Variants in USP30 observed in about 807,000 individuals in gnomAD.
The protein encoded by USP30 is ubiquitin carboxyl-terminal hydrolase 30.
USP30 carries 41 observed loss-of-function variants against 68.2 expected under a neutral mutation model. That is an observed-to-expected ratio of 0.60 (90% CI 0.47 to 0.78). USP30 has a LOEUF of 0.78. Ranked by LOEUF, USP30 falls within the 30% of genes least tolerant of loss-of-function variation. The probability of loss-of-function intolerance (pLI) is 0.00; values close to 1 mark genes in which losing one functional copy is unlikely to be tolerated. For missense variants in USP30, 522 were observed against 649.4 expected (o/e 0.80, Z 2.13); for synonymous variants, 229 against 253.7 (o/e 0.90, Z 0.93).
chr12:109,082,944 G>T lies in USP30; in HGVS notation c.1050G>T (p.Met350Ile), dbSNP rs2041846113. Reference protein sequence around the residue: ...HEHVQFNEFLMMDIYKYHLLG... With the variant: ...HEHVQFNEFLIMDIYKYHLLG... Reference sequence around the variant, plus strand: ...ACGTGCAGTTCAATGAGTTCCTGATGATGGACATTTACAAGTACCACCTCC... The same window carrying T: ...ACGTGCAGTTCAATGAGTTCCTGATTATGGACATTTACAAGTACCACCTCC... The change falls in exon 11 of 13, where the codon ATG (methionine) becomes ATT (isoleucine). Residue 350 changes from methionine to isoleucine, a missense_variant. Physicochemically the swap from Met to Ile is conservative, Grantham distance 10. Coordinates refer to ENST00000257548, the MANE Select transcript of USP30 (RefSeq NM_032663.5). The T allele has an allele frequency of 6.2e-7, 1 of 1,614,130 alleles. No homozygotes were observed. Among genetic ancestry groups the T allele is most frequent in the Non-Finnish European group, 8.5e-7 (1 of 1,180,056 alleles).
At chr12:109,076,591 A>G (rs555447895) in intron 7 of USP30, among the ~76,000 whole-genome samples, 2 of 152,130 alleles carry the variant, frequency 1.3e-5, no homozygotes, top group South Asian at 2.1e-4. Context: ...CATACTGACA[A>G]ACTTCCCTTC....
At chr12:109,068,725 C>T (rs917749868) in intron 4 of USP30, among the ~76,000 whole-genome samples, 2 of 152,152 alleles carry the variant, frequency 1.3e-5, no homozygotes, top group African/African-American at 2.4e-5. Context: ...CACTTAGGTC[C>T]CAGTCACTCC....
intron 6 of USP30, 121 bp downstream of exon 6, chr12:109,072,471 G>C (rs773551086): frequency 1.1e-6 from 1 of 885,548 alleles, no homozygotes; most frequent in African/African-American, 1.7e-5. Context: ...AGTGTGATGT[G>C]CTTGCAAAGG....
intron 2 of USP30, among the ~76,000 whole-genome samples, chr12:109,025,982 G>A (rs2040442345): frequency 6.6e-6 from 1 of 151,888 alleles, no homozygotes; most frequent in South Asian, 2.1e-4. Context: ...ACTGACCCTG[G>A]CATGAAGCGT....
chr12:109,079,300 G>A (rs142506422), intron 7 of USP30, among the ~76,000 whole-genome samples: 173 of 112,750 alleles, frequency 1.5e-3, no homozygotes, highest in African/African-American at 5.6e-3. Flanking sequence ...TTATCTTCAC[G>A]TTCACTGATT....
chr12:109,079,351 CTTTTT>C (rs71079521), intron 7 of USP30, among the ~76,000 whole-genome samples: 11 of 48,760 alleles, frequency 2.3e-4, no homozygotes, highest in Admixed American at 8.9e-4. Context: ...TTTTTTTTTT[CTTTTT>C]TTTTTTTTTT....
At chr12:109,071,525 A>T (rs547813812) in intron 4 of USP30, 87 bp from the exon 5 acceptor site, 1 of 1,058,390 alleles carries the variant, frequency 9.4e-7, no homozygotes, top group South Asian at 1.4e-5. Flanking sequence ...ACCCACATTC[A>T]CTGTAGGGTG....
chr12:109,081,624 CACACACA>C (rs2041802914), intron 8 of USP30: 1 of 52,570 alleles, frequency 1.9e-5, no homozygotes, highest in Admixed American at 4.3e-4. Context: ...CGCATGCGCG[CACACACA>C]CACACACACA....
exon 3 of USP30, chr12:109,027,528 C>T (rs1401609936): frequency 6.6e-6 from 1 of 152,286 alleles, no homozygotes; most frequent in Non-Finnish European, 1.5e-5. Context: ...ATCCTCCTGC[C>T]TCAGCCTCCC....
intron 3 of USP30, among the ~76,000 whole-genome samples, chr12:109,032,644 T>G (rs977326983): frequency 3.9e-5 from 6 of 152,156 alleles, no homozygotes; most frequent in African/African-American, 1.2e-4. Flanking sequence ...TGCTTAGGAA[T>G]GGGGTTGTGG....
At chr12:109,048,487 C>T (rs1174041068), upstream of USP30, among the ~76,000 whole-genome samples, 4 of 152,016 alleles carry the variant, frequency 2.6e-5, no homozygotes, top group East Asian at 7.7e-4. Flanking sequence ...CAGGGGGTCA[C>T]TTGTGGGCAG....
At chr12:109,044,923 G>GA (rs551280755) in intron 3 of USP30, among the ~76,000 whole-genome samples, 1 of 149,914 alleles carries the variant, frequency 6.7e-6, no homozygotes, top group Non-Finnish European at 1.5e-5. Context: ...TCTGATGGGG[G>GA]AAAAAATGTT....
Position 109,077,936 on chromosome 12 carries a change from A to T in USP30, c.721-3398A>T, listed in dbSNP as rs910506799. 2.0e-5 allele frequency among the ~76,000 whole-genome samples: 3 copies of T among 152,302 alleles called. No homozygotes were observed. In the South Asian group the frequency reaches 6.2e-4, roughly 32 times the overall value. ...AAATCCTGGAATATTACAAAAGTATAGTTCTGTTACCCCAGCCTTTGTGCT... is the reference window on the plus strand; with the variant it reads ...AAATCCTGGAATATTACAAAAGTATTGTTCTGTTACCCCAGCCTTTGTGCT... On this transcript the variant is annotated intron_variant, in intron 7 of 12. Coordinates refer to ENST00000257548, the MANE Select transcript of USP30 (RefSeq NM_032663.5).
intron 3 of USP30, among the ~76,000 whole-genome samples, chr12:109,039,618 AT>A (rs112211712): frequency 0.079 from 11,705 of 147,946 alleles, 825 homozygotes; most frequent in African/African-American, 0.19. Flanking sequence ...ATAAGAATCC[AT>A]TTTTTTTTTT....
In USP30 at chr12:109,044,923, GA is replaced by G. The variant is rs551280755; in HGVS notation, c.-135-2661del. Among the ~76,000 whole-genome samples, 69 of 149,986 alleles carry G rather than the reference GA, an allele frequency of 4.6e-4. 1 individual carries two copies. The highest frequency in any genetic ancestry group is 1.4e-3 in the African/African-American group (58 of 40,314). ...TTCATGCTTTATTAATCTGATGGGG[GA>G]AAAAATGTTTTCTGATTATAGTTTT... On this transcript the variant is annotated intron_variant, in intron 3 of 15. Transcript: ENST00000392784.
At chr12:109,041,460 C>A (rs1314741830) in intron 3 of USP30, among the ~76,000 whole-genome samples, 1 of 151,902 alleles carries the variant, frequency 6.6e-6, no homozygotes, top group Non-Finnish European at 1.5e-5. Flanking sequence ...CGTGGTGAAA[C>A]CCCATCTCTA....
chr12:109,053,790 C>T (rs562517857), intron 1 of USP30: 9 of 270,976 alleles, frequency 3.3e-5, no homozygotes, highest in South Asian at 6.9e-5. Context: ...AAAGTCGCCA[C>T]TTGTCCCTGG....
intron 11 of USP30, among the ~76,000 whole-genome samples, chr12:109,083,861 G>A (rs1173799299): frequency 5.9e-5 from 9 of 152,038 alleles, no homozygotes; most frequent in Admixed American, 1.3e-4. Context: ...TGCATGGCCC[G>A]ACACCTCATC....
chr12:109,042,731 G>A (rs532798546), intron 3 of USP30, among the ~76,000 whole-genome samples: 1 of 152,218 alleles, frequency 6.6e-6, no homozygotes, highest in African/African-American at 2.4e-5. Context: ...ATTTAACGTA[G>A]TACTGGAAGT....
Sources: allele counts gnomAD v4.1 joint callset (sites outside exome capture counted in the v4.1 genomes callset), GRCh38; gene constraint gnomAD v4.1.1; transcripts MANE v1.5; gene names NCBI Gene and HGNC (gene_info 2026-07-23, HGNC 2026-07-21).